The following FYB1 variants were observed in gnomAD, a reference collection of about 807,000 sequenced individuals.
FYB1 encodes the protein FYN binding protein 1.
Under a neutral mutation model 94.1 loss-of-function variants are expected in FYB1, and 41 were observed. The observed-to-expected ratio is 0.44, with a 90% CI of 0.34 to 0.57. The LOEUF is 0.57. FYB1 is among the 20% of genes least tolerant of loss of function. The pLI, the probability that FYB1 is intolerant of heterozygous loss-of-function variation, is 0.02. For missense variants in FYB1, 1,050 were observed against 976.8 expected (o/e 1.07, Z -1.00); for synonymous variants, 367 against 353.2 (o/e 1.04, Z -0.44).
intron 1 of FYB1, among the ~76,000 whole-genome samples, chr5:39,225,225 C>A (rs147081194): frequency 3.9e-5 from 6 of 152,188 alleles, no homozygotes; most frequent in African/African-American, 1.4e-4. Flanking sequence ...CATATATATA[C>A]ATGTATGTAT....
At chr5:39,270,610 C>T in intron 1 of FYB1, 8 of 1,533,060 alleles carry the variant, frequency 5.2e-6, no homozygotes, top group Middle Eastern at 1.7e-4. Context: ...CACACAATGA[C>T]CCCGAAGATG....
intron 2 of FYB1, among the ~76,000 whole-genome samples, chr5:39,189,954 A>C (rs1747210756): frequency 6.6e-6 from 1 of 152,258 alleles, no homozygotes; most frequent in Admixed American, 6.5e-5. Context: ...GGAAGCTAGA[A>C]GTGACCTTGA....
At chr5:39,215,470 TA>T (rs1749785049) in intron 1 of FYB1, among the ~76,000 whole-genome samples, 1 of 152,218 alleles carries the variant, frequency 6.6e-6, no homozygotes, top group Non-Finnish European at 1.5e-5. Context: ...GAAGTTTTTT[TA>T]AAGCAGCACT....
Position 39,153,557 on chromosome 5 carries a change from G to A in FYB1, c.1183C>T (p.Pro395Ser). ...TGGCTGGCCGGATGGGATGGTGGAG[G>A]TGGTGGCAGGGAAGTTGTTGAGTAA... ...TSYSTTSLPP[P>S]PPSHPASQPP... Residue 395 changes from proline to serine, a missense_variant, in exon 3 of 19, where the codon CCT becomes TCT. By Grantham distance (74) the Pro-to-Ser change is moderately conservative (BLOSUM62 -1). Transcript: ENST00000512982. 1 of 1,613,946 alleles carries A rather than the reference G, an allele frequency of 6.2e-7. No homozygotes were observed. Among genetic ancestry groups the A allele is most frequent in the Non-Finnish European group, 8.5e-7 (1 of 1,179,872 alleles).
chr5:39,182,876 A>G (rs1746386825), intron 2 of FYB1, among the ~76,000 whole-genome samples: 1 of 152,120 alleles, frequency 6.6e-6, no homozygotes, highest in Non-Finnish European at 1.5e-5. Context: ...TCAGAAAAAA[A>G]TTCATTATCC....
chr5:39,158,123 G>A (rs1295376357), intron 2 of FYB1, among the ~76,000 whole-genome samples: 2 of 152,214 alleles, frequency 1.3e-5, no homozygotes, highest in Non-Finnish European at 2.9e-5. Flanking sequence ...GCGAATAACA[G>A]GGAGTGAAAT....
At chr5:39,110,431 T>C in intron 16 of FYB1, 42 bp from the exon 17 acceptor site, 8 of 1,315,720 alleles carry the variant, frequency 6.1e-6, no homozygotes, top group South Asian at 1.3e-5. Flanking sequence ...ATAATACAGG[T>C]TGAAAAATCT....
chr5:39,150,085 G>A (rs1460311098), intron 3 of FYB1, among the ~76,000 whole-genome samples: 2 of 151,926 alleles, frequency 1.3e-5, no homozygotes, highest in African/African-American at 4.8e-5. Flanking sequence ...CAAAATCTAG[G>A]AGGCCATTTT....
In FYB1 at chr5:39,135,005, G is replaced by T; in HGVS notation, c.1525C>A (p.Pro509Thr). The T allele has an allele frequency of 6.2e-7, 1 of 1,612,540 alleles. No individual in the cohort carries two copies. The highest frequency in any genetic ancestry group is 8.5e-7 in the Non-Finnish European group (1 of 1,179,220). Residue 509 changes from proline (P) to threonine (T), a missense_variant, in exon 8 of 19, where the codon CCT becomes ACT. Physicochemically the swap from Pro to Thr is conservative, Grantham distance 38 (BLOSUM62 -1). Transcript: ENST00000512982. ...EIKKKFKLTG[P>T]IQVIHLAKAC... is the part of the protein sequence containing the mutation. ...TTTGCAAGATGGATGACTTGAATAG[G>T]GCCTGTTAGCTGCAAAGAGAAAAAA... is the stretch of plus-strand genomic sequence containing the variant.
At chr5:39,211,876 G>T (rs1056202937) in intron 1 of FYB1, among the ~76,000 whole-genome samples, 1 of 152,148 alleles carries the variant, frequency 6.6e-6, no homozygotes, top group African/African-American at 2.4e-5. Flanking sequence ...AAAGCTTATT[G>T]TCTACATGGA....
At chr5:39,211,012 T>C (rs1749317679) in intron 1 of FYB1, 1 of 152,210 alleles carries the variant, frequency 6.6e-6, no homozygotes, top group East Asian at 1.9e-4. Context: ...AAACCACTTA[T>C]TTTTCTTATT....
At chr5:39,250,133 T>C (rs7704780) in intron 1 of FYB1, among the ~76,000 whole-genome samples, 48,882 of 152,028 alleles carry the variant, frequency 0.32, 9,548 homozygotes, top group African/African-American at 0.55. Context: ...TCCAGCCATG[T>C]GGAACTGTGA....
chr5:39,203,112 T>C, intron 1 of FYB1, 125 bp from the exon 2 acceptor site: 2 of 754,830 alleles, frequency 2.6e-6, no homozygotes, highest in South Asian at 1.9e-5. Context: ...TAGCAAGATA[T>C]TGTAACATTT....
At chr5:39,150,351 A>G (rs1328623066) in intron 3 of FYB1, among the ~76,000 whole-genome samples, 1 of 152,164 alleles carries the variant, frequency 6.6e-6, no homozygotes, top group Non-Finnish European at 1.5e-5. Context: ...CTATTGTTCT[A>G]TCTCCCTGTA....
At chr5:39,211,709 A>G (rs545826438) in intron 1 of FYB1, among the ~76,000 whole-genome samples, 1 of 152,294 alleles carries the variant, frequency 6.6e-6, no homozygotes, top group South Asian at 2.1e-4. Flanking sequence ...TGTCTGGGAA[A>G]GATACTGTTT....
intron 1 of FYB1, among the ~76,000 whole-genome samples, chr5:39,273,038 C>G (rs373009264): frequency 4.2e-4 from 64 of 152,344 alleles, no homozygotes; most frequent in African/African-American, 1.5e-3. Flanking sequence ...GCGCCTCCGC[C>G]CGGCCAGCCA....
In FYB1 at chr5:39,232,607, T is replaced by A. The variant is rs111386754; in HGVS notation, c.-27-29620A>T. On this transcript the variant is annotated intron_variant, in intron 1 of 1. Transcript: ENST00000510188. ...TATACTTTAAGTTTTAGGGTACATG[T>A]GCACATTGTGCAGGTTAGTTACATA... 3.1e-3 allele frequency among the ~76,000 whole-genome samples: 468 copies of A among 152,080 alleles called. 1 individual carries two copies. Among genetic ancestry groups the A allele is most frequent in the Admixed American group, 4.8e-3 (73 of 15,266 alleles).
intron 16 of FYB1, among the ~76,000 whole-genome samples, chr5:39,113,995 A>G (rs537551629): frequency 1.3e-5 from 2 of 152,184 alleles, no homozygotes; most frequent in South Asian, 4.1e-4. Context: ...AACTCTCTAA[A>G]TTTTAAAAAT....
At chr5:39,231,163 A>AAAAAAAACAAAAAAAAC (rs1554042764) in intron 1 of FYB1, among the ~76,000 whole-genome samples, 2 of 118,958 alleles carry the variant, frequency 1.7e-5, no homozygotes. Context: ...AAAAAAAAAC[A>AAAAAAAACAAAAAAAAC]AAAAAAAACA....
Sources: allele counts gnomAD v4.1 joint callset (sites outside exome capture counted in the v4.1 genomes callset), GRCh38; gene constraint gnomAD v4.1.1; transcripts MANE v1.5; gene names NCBI Gene and HGNC (gene_info 2026-07-23, HGNC 2026-07-21).